KCNJ6: variants seen among roughly 807,000 people sequenced by gnomAD.
The protein encoded by KCNJ6 is potassium inwardly rectifying channel subfamily J member 6, also known as G protein-activated inward rectifier potassium channel 2.
A neutral mutation model predicts 34.2 loss-of-function variants in KCNJ6; 9 were observed. The ratio of observed to expected loss-of-function variants is 0.26; its 90% CI spans 0.16 to 0.46. KCNJ6 has a LOEUF of 0.46. KCNJ6 is among the 20% of genes least tolerant of loss of function. The pLI is 1.00. For missense variants in KCNJ6, 236 were observed against 531.3 expected (o/e 0.44, Z 5.46); for synonymous variants, 196 against 207.1 (o/e 0.95, Z 0.46).
chr21:37,755,692 G>C (rs544394192), intron 2 of KCNJ6, among the ~76,000 whole-genome samples: 12 of 152,354 alleles, frequency 7.9e-5, no homozygotes, highest in Non-Finnish European at 1.5e-4. Flanking sequence ...TGGCTGAGTT[G>C]CCTTGAGCTC....
intron 3 of KCNJ6, among the ~76,000 whole-genome samples, chr21:37,694,218 G>A (rs149079740): frequency 2.0e-4 from 31 of 152,314 alleles, no homozygotes; most frequent in African/African-American, 7.5e-4. Context: ...CTGCTGTGGA[G>A]GTGACGATTG....
chr21:37,814,371 G>A (rs186744196), intron 2 of KCNJ6, among the ~76,000 whole-genome samples: 1 of 152,270 alleles, frequency 6.6e-6, no homozygotes, highest in African/African-American at 2.4e-5. Flanking sequence ...ACAGTTTGGA[G>A]GTTCCTTAAA....
intron 2 of KCNJ6, among the ~76,000 whole-genome samples, chr21:37,762,831 C>A (rs1483872929): frequency 6.6e-6 from 1 of 152,208 alleles, no homozygotes; most frequent in Non-Finnish European, 1.5e-5. Flanking sequence ...CCAATGAAAT[C>A]CCAGCCTCTG....
intron 1 of KCNJ6, among the ~76,000 whole-genome samples, chr21:37,860,989 C>T (rs528778809): frequency 9.9e-5 from 15 of 151,978 alleles, no homozygotes; most frequent in Non-Finnish European, 2.1e-4. Flanking sequence ...GCCTCATTTT[C>T]CTCATCTGTA....
chr21:37,625,360 G>A lies in KCNJ6; in HGVS notation c.1071C>T (p.Thr357=). The change falls in exon 4 of 4, where the codon ACC becomes ACT. Residue 357 remains threonine, a synonymous_variant. Coordinates refer to ENST00000609713, the MANE Select transcript of KCNJ6 (RefSeq NM_002240.5). ...YEVDYNSFHE[T]YETSTPSLSA... ...TAAGGGATGGGGTGCTGGTCTCATAGGTCTCATGGAAGCTGTTGTAGTCAA... is the reference window on the plus strand; with the variant it reads ...TAAGGGATGGGGTGCTGGTCTCATAAGTCTCATGGAAGCTGTTGTAGTCAA... The A allele has an allele frequency of 6.2e-7, 1 of 1,614,238 alleles. No individual in the cohort carries two copies. Among genetic ancestry groups the A allele is most frequent in the Non-Finnish European group, 8.5e-7 (1 of 1,180,040 alleles).
Position 37,617,048 on chromosome 21 carries a change from C to CTTTCTTTCTTTCTTTCTTTTCT in KCNJ6, c.*8110_*8111insAGAAAAGAAAGAAAGAAAGAAA, listed in dbSNP as rs1430185515. On this transcript the variant is annotated 3_prime_UTR_variant, in exon 4 of 4. Coordinates refer to ENST00000609713, the MANE Select transcript of KCNJ6 (RefSeq NM_002240.5). ...TCTTTCTTTCTTTCTTTCTTTCTTT[C>CTTTCTTTCTTTCTTTCTTTTCT]TTTCTTTTCTTTTCTTTTCTTTTCT... is the stretch of plus-strand genomic sequence containing the variant. 6.8e-4 allele frequency: 48 copies of CTTTCTTTCTTTCTTTCTTTTCT among 70,154 alleles called. No homozygotes were observed. The highest frequency in any genetic ancestry group is 2.2e-3 in the African/African-American group (44 of 19,696). 4.3% of individuals were successfully genotyped at this position (70,154 alleles called of 1,614,324 possible).
At chr21:37,747,786 A>G (rs187565817) in intron 2 of KCNJ6, among the ~76,000 whole-genome samples, 25 of 152,356 alleles carry the variant, frequency 1.6e-4, no homozygotes, top group Admixed American at 1.4e-3. Flanking sequence ...TGGAAGGTGC[A>G]GCAGTAATGC....
intron 1 of KCNJ6, among the ~76,000 whole-genome samples, chr21:37,889,161 C>T (rs1209667822): frequency 1.3e-5 from 2 of 152,148 alleles, no homozygotes; most frequent in African/African-American, 4.8e-5. Context: ...CTTAAACTGG[C>T]AAGTTGTTCT....
At chr21:37,900,841 A>G (rs2055813483) in intron 1 of KCNJ6, among the ~76,000 whole-genome samples, 1 of 152,226 alleles carries the variant, frequency 6.6e-6, no homozygotes, top group African/African-American at 2.4e-5. Context: ...CAATGAGCCC[A>G]AAGAAATCTG....
At chr21:37,696,432 A>G (rs1017936308) in intron 3 of KCNJ6, among the ~76,000 whole-genome samples, 1 of 152,186 alleles carries the variant, frequency 6.6e-6, no homozygotes, top group Non-Finnish European at 1.5e-5. Flanking sequence ...CATAACCTAA[A>G]TCTAATCATG....
chr21:37,786,056 A>T (rs967839857), intron 2 of KCNJ6, among the ~76,000 whole-genome samples: 2 of 152,248 alleles, frequency 1.3e-5, no homozygotes, highest in Non-Finnish European at 2.9e-5. Context: ...TTGTTATGGC[A>T]GCCTGATTGG....
intron 1 of KCNJ6, among the ~76,000 whole-genome samples, chr21:37,882,180 T>C (rs1396253699): frequency 6.6e-6 from 1 of 152,216 alleles, no homozygotes; most frequent in African/African-American, 2.4e-5. Flanking sequence ...TTTAATTCTC[T>C]ACTGTGTGCC....
At chr21:37,906,616 A>G (rs914536443) in intron 1 of KCNJ6, among the ~76,000 whole-genome samples, 2 of 152,134 alleles carry the variant, frequency 1.3e-5, no homozygotes, top group African/African-American at 4.8e-5. Flanking sequence ...GGGACACACT[A>G]TGGGAACCAC....
chr21:37,648,794 A>G (rs1474204661), intron 3 of KCNJ6, among the ~76,000 whole-genome samples: 1 of 152,126 alleles, frequency 6.6e-6, no homozygotes, highest in Non-Finnish European at 1.5e-5. Context: ...GGGTTTTTAA[A>G]GTTTTTTTTA....
chr21:37,630,192 A>C (rs1007740419), intron 3 of KCNJ6, among the ~76,000 whole-genome samples: 13 of 114,452 alleles, frequency 1.1e-4, no homozygotes, highest in Non-Finnish European at 2.3e-4. Context: ...CATCATCATA[A>C]AGGCTCCCAG....
intron 2 of KCNJ6, among the ~76,000 whole-genome samples, chr21:37,807,059 T>C (rs1418038524): frequency 1.3e-5 from 2 of 152,266 alleles, no homozygotes; most frequent in Non-Finnish European, 2.9e-5. Context: ...AGGTTGTTTT[T>C]CAATTTCTTT....
intron 3 of KCNJ6, among the ~76,000 whole-genome samples, chr21:37,632,613 G>A (rs1380844632): frequency 6.6e-6 from 1 of 152,098 alleles, no homozygotes; most frequent in Non-Finnish European, 1.5e-5. Context: ...ACAAATCTCT[G>A]ATCAGACTGG....
At chr21:37,750,023 T>C (rs548447877) in intron 2 of KCNJ6, among the ~76,000 whole-genome samples, 9 of 152,166 alleles carry the variant, frequency 5.9e-5, no homozygotes, top group African/African-American at 2.2e-4. Context: ...GATAAAACAT[T>C]TGGATTAAAG....
At chr21:37,882,989 T>G (rs557008705) in intron 1 of KCNJ6, among the ~76,000 whole-genome samples, 50 of 152,370 alleles carry the variant, frequency 3.3e-4, no homozygotes, top group Non-Finnish European at 5.3e-4. Context: ...TGCATGTGTG[T>G]ATGCTCATGT....
Sources: allele counts gnomAD v4.1 joint callset (sites outside exome capture counted in the v4.1 genomes callset), GRCh38; gene constraint gnomAD v4.1.1; transcripts MANE v1.5; gene names NCBI Gene and HGNC (gene_info 2026-07-23, HGNC 2026-07-21).